Variants in NSMCE2 observed in about 807,000 individuals in gnomAD.
The protein encoded by NSMCE2 is E3 SUMO-protein ligase NSE2.
In NSMCE2, 24 loss-of-function variants were observed where a neutral mutation model predicts 23.8. The ratio of observed to expected loss-of-function variants is 1.01; its 90% CI spans 0.73 to 1.42. NSMCE2 has a LOEUF of 1.42. Among genes scored for constraint, NSMCE2 ranks in the 40% most tolerant of loss-of-function variants. NSMCE2 has a pLI of 0.00. For synonymous variants in NSMCE2, 92 were observed against 94.1 expected (o/e 0.98, Z 0.13); for missense variants, 284 against 296.5 (o/e 0.96, Z 0.31).
chr8:125,310,240 G>C (rs1160995545), intron 5 of NSMCE2, among the ~76,000 whole-genome samples: 1 of 152,144 alleles, frequency 6.6e-6, no homozygotes, highest in African/African-American at 2.4e-5. Context: ...ACTCAGACTA[G>C]AGTCAGACAG....
intron 1 of NSMCE2, among the ~76,000 whole-genome samples, chr8:125,101,693 G>A (rs1818198459): frequency 6.6e-6 from 1 of 152,200 alleles, no homozygotes; most frequent in African/African-American, 2.4e-5. Flanking sequence ...AGATTAGGAA[G>A]TGTTAAATAT....
chr8:125,249,432 A>G (rs1826118969), intron 5 of NSMCE2, among the ~76,000 whole-genome samples: 2 of 152,194 alleles, frequency 1.3e-5, no homozygotes, highest in Non-Finnish European at 2.9e-5. Context: ...TTTGTCAGAA[A>G]GATGTTCATG....
intron 5 of NSMCE2, among the ~76,000 whole-genome samples, chr8:125,299,849 C>A (rs1449696242): frequency 9.3e-6 from 1 of 107,044 alleles, no homozygotes; most frequent in African/African-American, 3.6e-5. Context: ...GACAGAGTCT[C>A]ACTCTGTCAC....
At chr8:125,255,144 A>C (rs1256307035) in intron 5 of NSMCE2, among the ~76,000 whole-genome samples, 2 of 152,000 alleles carry the variant, frequency 1.3e-5, no homozygotes, top group African/African-American at 4.8e-5. Flanking sequence ...CCAACTTGTC[A>C]GCTGTATGAA....
intron 3 of NSMCE2, among the ~76,000 whole-genome samples, chr8:125,112,967 A>G (rs1818836613): frequency 6.6e-6 from 1 of 151,558 alleles, no homozygotes; most frequent in Non-Finnish European, 1.5e-5. Flanking sequence ...CACAGTGTTT[A>G]CATATTTCAA....
chr8:125,120,207 T>A (rs1004991504), intron 3 of NSMCE2, among the ~76,000 whole-genome samples: 3 of 152,204 alleles, frequency 2.0e-5, no homozygotes, highest in Non-Finnish European at 2.9e-5. Context: ...CTGTATTAGA[T>A]AACAGCACAG....
At chr8:125,233,385 T>C (rs1358572276) in intron 5 of NSMCE2, among the ~76,000 whole-genome samples, 1 of 152,202 alleles carries the variant, frequency 6.6e-6, no homozygotes, top group African/African-American at 2.4e-5. Context: ...TAAGAACAAA[T>C]ACAAATAATT....
At chr8:125,244,641 T>C (rs1376397273) in intron 5 of NSMCE2, among the ~76,000 whole-genome samples, 1 of 152,028 alleles carries the variant, frequency 6.6e-6, no homozygotes, top group East Asian at 1.9e-4. Context: ...AAATTTGGGG[T>C]GCTACTGTTG....
At chr8:125,154,259 A>G (rs536508609) in intron 4 of NSMCE2, among the ~76,000 whole-genome samples, 19 of 152,298 alleles carry the variant, frequency 1.2e-4, no homozygotes, top group East Asian at 3.9e-4. Context: ...TATTATTTAA[A>G]TAGACATCTC....
intron 5 of NSMCE2, among the ~76,000 whole-genome samples, chr8:125,244,638 G>T (rs1414609426): frequency 2.0e-5 from 3 of 152,066 alleles, no homozygotes; most frequent in Non-Finnish European, 2.9e-5. Flanking sequence ...AAAAAATTTG[G>T]GGTGCTACTG....
At chr8:125,153,729 A>C (rs1009522071) in intron 4 of NSMCE2, among the ~76,000 whole-genome samples, 1 of 152,180 alleles carries the variant, frequency 6.6e-6, no homozygotes, top group Non-Finnish European at 1.5e-5. Context: ...TGTGTATTTC[A>C]CAGAATGATT....
chr8:125,127,247 T>A (rs973333480), intron 3 of NSMCE2, among the ~76,000 whole-genome samples: 1 of 152,286 alleles, frequency 6.6e-6, no homozygotes, highest in South Asian at 2.1e-4. Flanking sequence ...ATAAAGGGAA[T>A]TAGTGGAAAA....
chr8:125,150,437 T>TC lies in NSMCE2; in HGVS notation c.158-734_158-733insC, dbSNP rs1240892661. ...TCTTTTCTTTCTTTCTTTTTTTTTTTTTTTTTTTTTTTTTGAGATGGAGTC... is the reference window on the plus strand; with the variant it reads ...TCTTTTCTTTCTTTCTTTTTTTTTTTCTTTTTTTTTTTTTTGAGATGGAGTC... On this transcript the variant is annotated intron_variant, in intron 3 of 7. Coordinates refer to ENST00000287437, the MANE Select transcript of NSMCE2 (RefSeq NM_173685.4). Among the ~76,000 whole-genome samples, 4 of 135,878 alleles carry TC rather than the reference T, an allele frequency of 2.9e-5. No homozygotes were observed. The East Asian group carries it at 8.3e-4, about 28-fold the overall frequency. 89.1% of individuals were successfully genotyped at this position (135,878 alleles called of 152,430 possible). A position where few individuals can be genotyped will look rare whatever the true frequency, so the allele number is the denominator to read the frequency against.
chr8:125,211,087 C>T (rs1463705087), intron 5 of NSMCE2, among the ~76,000 whole-genome samples: 1 of 152,136 alleles, frequency 6.6e-6, no homozygotes. Context: ...ATTAACCACT[C>T]CTGCCCAAGA....
intron 5 of NSMCE2, among the ~76,000 whole-genome samples, chr8:125,283,797 G>A (rs577256702): frequency 2.0e-3 from 309 of 152,250 alleles, no homozygotes; most frequent in African/African-American, 6.9e-3. Flanking sequence ...GGCCCATTTT[G>A]CCTCTTTGTT....
intron 5 of NSMCE2, among the ~76,000 whole-genome samples, chr8:125,209,921 A>G (rs1031673834): frequency 2.0e-5 from 3 of 152,254 alleles, no homozygotes; most frequent in Non-Finnish European, 4.4e-5. Context: ...TTGAAATGAG[A>G]TAACACATGA....
At chr8:125,124,465 A>G (rs943551204) in intron 3 of NSMCE2, among the ~76,000 whole-genome samples, 1 of 149,048 alleles carries the variant, frequency 6.7e-6, no homozygotes, top group Non-Finnish European at 1.5e-5. Context: ...TGGATTCCTC[A>G]GGATTTCTCT....
At chr8:125,217,913 A>T in intron 5 of NSMCE2, among the ~76,000 whole-genome samples, 1 of 151,688 alleles carries the variant, frequency 6.6e-6, no homozygotes, top group East Asian at 1.9e-4. Context: ...AAACCGTTGT[A>T]CTAGGATAGA....
chr8:125,227,772 C>T (rs879298136), intron 5 of NSMCE2, among the ~76,000 whole-genome samples: 23 of 152,084 alleles, frequency 1.5e-4, no homozygotes, highest in Non-Finnish European at 2.2e-4. Context: ...CCTGTAATCC[C>T]GTTACCCAGA....
Sources: gnomAD v4.1 joint callset for allele counts (sites outside exome capture counted in the v4.1 genomes callset) on GRCh38, gnomAD v4.1.1 for gene constraint, MANE v1.5 for transcripts, NCBI Gene and HGNC (gene_info 2026-07-23, HGNC 2026-07-21) for gene names.